The following ACBD6 variants were observed in gnomAD, a reference collection of about 807,000 sequenced individuals.
The protein encoded by ACBD6 is acyl-CoA-binding domain-containing protein 6.
ACBD6 carries 28 observed loss-of-function variants against 37.2 expected under a neutral mutation model. The ratio of observed to expected loss-of-function variants is 0.75; its 90% confidence interval spans 0.56 to 1.03. The LOEUF (loss-of-function observed/expected upper bound fraction) is 1.03, where lower values mean the gene tolerates loss of function less well. Ranked by LOEUF, ACBD6 falls within the 50% of genes least tolerant of loss-of-function variation. ACBD6 has a pLI of 0.00. For synonymous variants in ACBD6, 113 were observed against 126.8 expected, an observed-to-expected ratio of 0.89 and a Z score of 0.73; for missense variants, 340 against 337.4, an observed-to-expected ratio of 1.01 and a Z score of -0.06.
At chr1:180,401,220 G>C (rs1277047512) in intron 5 of ACBD6, among the ~76,000 whole-genome samples, 1 of 152,172 alleles carries the variant, frequency 6.6e-6, no homozygotes, top group East Asian at 1.9e-4. Flanking sequence ...AATACAGTAA[G>C]ATGCAGGGAG....
intron 3 of ACBD6, among the ~76,000 whole-genome samples, chr1:180,450,849 A>G (rs981861594): frequency 2.0e-5 from 3 of 152,200 alleles, no homozygotes; most frequent in African/African-American, 7.2e-5. Context: ...CAAAAATATA[A>G]CAGAGTAGAA....
At chr1:180,479,095 T>C (rs1055301419) in intron 3 of ACBD6, among the ~76,000 whole-genome samples, 6 of 152,216 alleles carry the variant, frequency 3.9e-5, no homozygotes, top group Admixed American at 3.9e-4. Flanking sequence ...ATTGCACCAC[T>C]GCACTCCAGC....
At chr1:180,270,925 C>G in exon 14 of ACBD6, 1 of 256,552 alleles carries the variant, frequency 3.9e-6, no homozygotes, top group Non-Finnish European at 7.8e-6. Flanking sequence ...GGTGACATGG[C>G]TGTGGGGAAA....
chr1:180,355,646 T>C (rs1652595965), intron 6 of ACBD6, among the ~76,000 whole-genome samples: 1 of 152,180 alleles, frequency 6.6e-6, no homozygotes, highest in Non-Finnish European at 1.5e-5. Flanking sequence ...TCTTTCTTTT[T>C]CCACAGTAAT....
intron 7 of ACBD6, among the ~76,000 whole-genome samples, chr1:180,295,240 C>T (rs59612061): frequency 0.052 from 7,883 of 150,920 alleles, 668 homozygotes; most frequent in African/African-American, 0.17. Flanking sequence ...ATTTAATTTC[C>T]TTTAAAGCAC....
At chr1:180,303,570 T>C (rs867560072) in intron 7 of ACBD6, among the ~76,000 whole-genome samples, 3 of 150,718 alleles carry the variant, frequency 2.0e-5, no homozygotes, top group South Asian at 2.1e-4. Context: ...AAGTTGAATC[T>C]CTGAAGAGAT....
At chr1:180,350,847 C>T (rs1288716571) in intron 6 of ACBD6, among the ~76,000 whole-genome samples, 3 of 152,162 alleles carry the variant, frequency 2.0e-5, no homozygotes, top group East Asian at 3.8e-4. Flanking sequence ...TATAGTCTGG[C>T]TCATAATTGT....
At chr1:180,309,680 A>C (rs1365714536) in intron 7 of ACBD6, among the ~76,000 whole-genome samples, 1 of 152,192 alleles carries the variant, frequency 6.6e-6, no homozygotes, top group Non-Finnish European at 1.5e-5. Flanking sequence ...GAGTAAAAGA[A>C]GGCTGGCATC....
intron 9 of ACBD6, chr1:180,277,372 T>A (rs1314287248): frequency 6.6e-6 from 1 of 152,206 alleles, no homozygotes; most frequent in African/African-American, 2.4e-5. Context: ...GTTTCCCCCC[T>A]TGCTAAAATG....
At chr1:180,499,993 A>G (rs962527784) in intron 1 of ACBD6, among the ~76,000 whole-genome samples, 4 of 152,108 alleles carry the variant, frequency 2.6e-5, no homozygotes, top group African/African-American at 9.7e-5. Flanking sequence ...CATGTCTGTA[A>G]TAACAGTACT....
chr1:180,388,818 T>G, intron 6 of ACBD6, among the ~76,000 whole-genome samples: 2 of 148,898 alleles, frequency 1.3e-5, no homozygotes, highest in South Asian at 4.2e-4. Context: ...ATTTATAACA[T>G]TAAAAACATA....
At chr1:180,474,899 A>G (rs1347537660) in intron 3 of ACBD6, among the ~76,000 whole-genome samples, 1 of 152,226 alleles carries the variant, frequency 6.6e-6, no homozygotes, top group Non-Finnish European at 1.5e-5. Context: ...TTACTGTCCA[A>G]CTGGGACATT....
chr1:180,441,625 C>A (rs1204908862), intron 3 of ACBD6, among the ~76,000 whole-genome samples: 1 of 152,006 alleles, frequency 6.6e-6, no homozygotes, highest in African/African-American at 2.4e-5. Flanking sequence ...GTTTTTAATT[C>A]TTTTAAAGGC....
chr1:180,390,971 A>G (rs1654054100), intron 6 of ACBD6, among the ~76,000 whole-genome samples: 1 of 152,196 alleles, frequency 6.6e-6, no homozygotes, highest in Admixed American at 6.5e-5. Flanking sequence ...GTATTAACAT[A>G]AGGAAAGACA....
At chr1:180,281,495 T>C (rs1426914609) in intron 8 of ACBD6, 1 of 152,262 alleles carries the variant, frequency 6.6e-6, no homozygotes, top group Non-Finnish European at 1.5e-5. Context: ...TCAATGTATC[T>C]GCATGTATTT....
intron 6 of ACBD6, among the ~76,000 whole-genome samples, chr1:180,356,229 G>T (rs1032285024): frequency 1.3e-5 from 2 of 151,814 alleles, no homozygotes; most frequent in African/African-American, 4.8e-5. Flanking sequence ...GGAGTGCAGT[G>T]GCATGATCAC....
intron 12 of ACBD6, chr1:180,272,777 CTT>C (rs1190291251): frequency 1.3e-5 from 2 of 152,266 alleles, no homozygotes; most frequent in African/African-American, 4.8e-5. Flanking sequence ...ATTCACTTCT[CTT>C]GAGCCCCAGT....
At chr1:180,339,648 T>C (rs1416745666) in intron 6 of ACBD6, among the ~76,000 whole-genome samples, 1 of 152,180 alleles carries the variant, frequency 6.6e-6, no homozygotes, top group African/African-American at 2.4e-5. Flanking sequence ...AACCTGCACG[T>C]TGTGCACATG....
chr1:180,292,614 T>G (rs1317122123), intron 7 of ACBD6, among the ~76,000 whole-genome samples: 1 of 121,678 alleles, frequency 8.2e-6, no homozygotes, highest in Non-Finnish European at 1.7e-5. Context: ...TTATTCTAGG[T>G]TTTTTTTTTT....
Sources: allele counts gnomAD v4.1 joint callset (sites outside exome capture counted in the v4.1 genomes callset), GRCh38; gene constraint gnomAD v4.1.1; transcripts MANE v1.5; gene names NCBI Gene and HGNC (gene_info 2026-07-23, HGNC 2026-07-21).